The following STARD13 variants were observed in gnomAD, a reference collection of about 807,000 sequenced individuals.
STARD13 encodes stAR-related lipid transfer protein 13.
STARD13 carries 62 observed loss-of-function variants against 106.4 expected under a neutral mutation model. The ratio of observed to expected loss-of-function variants is 0.58; its 90% confidence interval spans 0.48 to 0.72. The LOEUF (loss-of-function observed/expected upper bound fraction) is 0.72. STARD13 is among the 30% of genes least tolerant of loss of function. The pLI is 0.00. For missense variants in STARD13, 1,387 were observed against 1,424.0 expected (o/e 0.97, Z 0.42); for synonymous variants, 565 against 553.0 (o/e 1.02, Z -0.31).
At chr13:33,175,352 A>G (rs956163635) in intron 1 of STARD13, among the ~76,000 whole-genome samples, 1 of 152,196 alleles carries the variant, frequency 6.6e-6, no homozygotes, top group Admixed American at 6.5e-5. Context: ...AGCAACTGAA[A>G]TGCAAGGCAG....
the STARD13 span, among the ~76,000 whole-genome samples, chr13:33,483,115 C>T: frequency 6.6e-6 from 1 of 152,152 alleles, no homozygotes; most frequent in Non-Finnish European, 1.5e-5. Context: ...GTTAAGGTTG[C>T]CAAATCCTTG....
chr13:33,557,385 G>GA, the STARD13 span, among the ~76,000 whole-genome samples: 24 of 152,046 alleles, frequency 1.6e-4, no homozygotes, highest in African/African-American at 4.3e-4. Context: ...ATAAATCTGG[G>GA]AAAAAAATCT....
Position 33,127,361 on chromosome 13 carries a change from T to G in STARD13, c.1922+12A>C, listed in dbSNP as rs111472920. On this transcript the variant is annotated intron_variant, in intron 6 of 13. Transcript: ENST00000336934. The stretch of plus-strand genomic sequence containing the variant: ...AGCCAAGGATCCCCTCCTAGGTGAA[T>G]GTGCTACGCACCATGTCCAGCCGTG... 0.024 allele frequency: 37,097 copies of G among 1,556,730 alleles called. 526 individuals are homozygous for G. Among genetic ancestry groups the G allele is most frequent in the Non-Finnish European group, 0.027 (31,330 of 1,152,706 alleles).
chr13:33,512,489 C>T, the STARD13 span, among the ~76,000 whole-genome samples: 91 of 151,480 alleles, frequency 6.0e-4, no homozygotes, highest in Admixed American at 2.6e-3. Flanking sequence ...TTTTTTGAGG[C>T]GAAGTTTTGC....
chr13:33,411,346 A>T, the STARD13 span, among the ~76,000 whole-genome samples: 9 of 152,206 alleles, frequency 5.9e-5, no homozygotes, highest in Non-Finnish European at 1.2e-4. Flanking sequence ...ACTTGTCAGA[A>T]GTGGACTGAT....
At chr13:33,492,489 A>C in the STARD13 span, among the ~76,000 whole-genome samples, 1 of 152,190 alleles carries the variant, frequency 6.6e-6, no homozygotes, top group Non-Finnish European at 1.5e-5. Context: ...CACAAGATAT[A>C]GGTCATAAAG....
chr13:33,259,386 C>T (rs1177715049), intron 1 of STARD13, among the ~76,000 whole-genome samples: 1 of 152,134 alleles, frequency 6.6e-6, no homozygotes, highest in Non-Finnish European at 1.5e-5. Flanking sequence ...CAAGAATGTG[C>T]ACAGGAATAA....
At chr13:33,640,496 C>CT in the STARD13 span, among the ~76,000 whole-genome samples, 7 of 152,328 alleles carry the variant, frequency 4.6e-5, no homozygotes, top group Non-Finnish European at 1.0e-4. Flanking sequence ...GAGTGTTTCA[C>CT]TGAAAACATA....
At chr13:33,527,452 A>G in the STARD13 span, among the ~76,000 whole-genome samples, 4 of 152,236 alleles carry the variant, frequency 2.6e-5, no homozygotes, top group African/African-American at 9.6e-5. Context: ...CAATTGAGCA[A>G]TAAAAGGAAA....
the STARD13 span, among the ~76,000 whole-genome samples, chr13:33,558,527 C>G: frequency 9.2e-5 from 14 of 151,748 alleles, no homozygotes; most frequent in Admixed American, 9.2e-4. Context: ...AAATACCTGC[C>G]TATCTGTACG....
At chr13:33,400,608 C>G in the STARD13 span, among the ~76,000 whole-genome samples, 7 of 152,090 alleles carry the variant, frequency 4.6e-5, no homozygotes, top group Non-Finnish European at 1.0e-4. Context: ...CTACAGGCGC[C>G]CGCCACCATG....
chr13:33,561,302 A>T, the STARD13 span, among the ~76,000 whole-genome samples: 1 of 151,552 alleles, frequency 6.6e-6, no homozygotes, highest in African/African-American at 2.4e-5. Context: ...TGCAAAAAAC[A>T]TGGAGTTTTT....
chr13:33,196,196 C>T (rs1156261503), intron 1 of STARD13, among the ~76,000 whole-genome samples: 1 of 152,066 alleles, frequency 6.6e-6, no homozygotes, highest in Non-Finnish European at 1.5e-5. Flanking sequence ...ACCAGCCTGG[C>T]CAATATGGCG....
chr13:33,138,699 A>G, intron 4 of STARD13: 1 of 324,048 alleles, frequency 3.1e-6, no homozygotes, highest in Admixed American at 4.0e-5. Context: ...GGAGAGCCCG[A>G]GCTGCAGGCG....
At chr13:33,548,468 T>G in the STARD13 span, among the ~76,000 whole-genome samples, 1 of 152,154 alleles carries the variant, frequency 6.6e-6, no homozygotes, top group Admixed American at 6.5e-5. Flanking sequence ...TTCTGTGGAG[T>G]GGACTCGTGG....
intron 1 of STARD13, among the ~76,000 whole-genome samples, chr13:33,182,647 G>A (rs1390826267): frequency 1.3e-5 from 2 of 152,206 alleles, no homozygotes; most frequent in Non-Finnish European, 2.9e-5. Context: ...TTACAAATTT[G>A]TGTTGGGCCA....
At chr13:33,457,251 T>G in the STARD13 span, among the ~76,000 whole-genome samples, 554 of 152,344 alleles carry the variant, frequency 3.6e-3, 1 homozygote, top group Non-Finnish European at 5.7e-3. Context: ...GTAATGGAAC[T>G]TTTGTGAAAT....
chr13:33,582,392 AG>A, the STARD13 span, among the ~76,000 whole-genome samples: 1 of 152,164 alleles, frequency 6.6e-6, no homozygotes, highest in Non-Finnish European at 1.5e-5. Context: ...TATGGTCTGT[AG>A]ATCTGAAAAT....
chr13:33,651,460 A>G, the STARD13 span, among the ~76,000 whole-genome samples: 2 of 152,210 alleles, frequency 1.3e-5, no homozygotes, highest in Non-Finnish European at 1.5e-5. Flanking sequence ...CCTCTAATCC[A>G]AGCATAGTAA....
Sources: gnomAD v4.1 joint callset for allele counts (sites outside exome capture counted in the v4.1 genomes callset) on GRCh38, gnomAD v4.1.1 for gene constraint, MANE v1.5 for transcripts, NCBI Gene and HGNC (gene_info 2026-07-23, HGNC 2026-07-21) for gene names.